The following FAM53A variants were observed in gnomAD, a reference collection of about 807,000 sequenced individuals.
FAM53A encodes family with sequence similarity 53 member A, also known as protein FAM53A.
FAM53A carries 28 observed loss-of-function variants against 26.6 expected under a neutral mutation model. The ratio of observed to expected loss-of-function variants is 1.05; its 90% CI spans 0.78 to 1.45. The LOEUF (loss-of-function observed/expected upper bound fraction) is 1.45, where lower values mean the gene tolerates loss of function less well. FAM53A is among the 40% of genes most tolerant of loss of function. The pLI is 0.00. For synonymous variants in FAM53A, 290 were observed against 253.1 expected (o/e 1.15, Z -1.38); for missense variants, 650 against 575.8 (o/e 1.13, Z -1.32).
chr4:1,685,026 G>C (rs1047876690), upstream of FAM53A, among the ~76,000 whole-genome samples: 1 of 152,120 alleles, frequency 6.6e-6, no homozygotes, highest in Non-Finnish European at 1.5e-5. Context: ...GGGGTCTCCA[G>C]CAAATTCCCA....
intron 2 of FAM53A, among the ~76,000 whole-genome samples, chr4:1,668,049 T>G (rs550322574): frequency 6.6e-6 from 1 of 152,126 alleles, no homozygotes; most frequent in Non-Finnish European, 1.5e-5. Flanking sequence ...TGCTGCTTGA[T>G]TGGATGGTAA....
At chr4:1,613,457 C>T (rs915940324), downstream of FAM53A, among the ~76,000 whole-genome samples, 2 of 152,218 alleles carry the variant, frequency 1.3e-5, no homozygotes, top group Non-Finnish European at 2.9e-5. Flanking sequence ...GCGTCTTAGT[C>T]CTACTGTTGG....
At chr4:1,602,242 G>A in the FAM53A span, among the ~76,000 whole-genome samples, 1 of 152,236 alleles carries the variant, frequency 6.6e-6, no homozygotes, top group South Asian at 2.1e-4. Context: ...AAGAAGCCCT[G>A]CCGGGGGAGC....
chr4:1,636,557 C>A (rs1715848007), downstream of FAM53A, among the ~76,000 whole-genome samples: 1 of 152,242 alleles, frequency 6.6e-6, no homozygotes, highest in South Asian at 2.1e-4. Flanking sequence ...TCCACCTGAG[C>A]CCACGGCCTC....
chr4:1,613,340 C>A (rs1714697226), downstream of FAM53A, among the ~76,000 whole-genome samples: 1 of 152,208 alleles, frequency 6.6e-6, no homozygotes, highest in Admixed American at 6.5e-5. Context: ...CTCACCCTGT[C>A]AAAGAGCAGA....
At chr4:1,610,290 G>A in the FAM53A span, among the ~76,000 whole-genome samples, 1 of 151,816 alleles carries the variant, frequency 6.6e-6, no homozygotes, top group Non-Finnish European at 1.5e-5. Context: ...GACTCCAGCT[G>A]CCTCCCCTGG....
chr4:1,605,045 C>T, the FAM53A span, among the ~76,000 whole-genome samples: 3 of 152,306 alleles, frequency 2.0e-5, no homozygotes, highest in Admixed American at 6.5e-5. This position sits in a 1 kb window ranked among gnomAD's most constrained non-coding sequence, Gnocchi z 5.7. Context: ...ACCCTGCTCC[C>T]GCCACCTGCA....
At chr4:1,592,460 G>A in the FAM53A span, among the ~76,000 whole-genome samples, 3 of 152,226 alleles carry the variant, frequency 2.0e-5, no homozygotes, top group Non-Finnish European at 4.4e-5. Flanking sequence ...AGGCCGAGGG[G>A]GCCAGGGGGC....
chr4:1,575,291 C>T, the FAM53A span, among the ~76,000 whole-genome samples: 27 of 152,230 alleles, frequency 1.8e-4, no homozygotes, highest in Non-Finnish European at 3.1e-4. Context: ...CTCCACCACA[C>T]CCCAAGTCTC....
intron 2 of FAM53A, among the ~76,000 whole-genome samples, chr4:1,662,556 AG>A (rs1331530860): frequency 7.0e-6 from 1 of 142,560 alleles, no homozygotes; most frequent in Non-Finnish European, 1.5e-5. Flanking sequence ...AGGCTGAGGG[AG>A]GAGGATCACT....
At chr4:1,589,986 T>C in the FAM53A span, among the ~76,000 whole-genome samples, 1 of 152,154 alleles carries the variant, frequency 6.6e-6, no homozygotes, top group Non-Finnish European at 1.5e-5. Flanking sequence ...GCTTTGCTCA[T>C]TTATTTTTGA....
chr4:1,630,227 C>T lies in FAM53A; in HGVS notation c.432-12116G>A, dbSNP rs528380666. ...GGCAGGTGCACAAGACAGCCTGGCC[C>T]TGGTGCCACCTGCTGCAGGGGCCTG... On this transcript the variant is annotated intron_variant, in intron 1 of 1. Transcript: ENST00000489029. The surrounding 1 kb of genome is among the most constrained non-coding windows in gnomAD (Gnocchi z 4.3). Among the ~76,000 whole-genome samples the T allele has an allele frequency of 2.0e-4, 31 of 152,344 alleles. No homozygotes were observed. The East Asian group carries it at 5.8e-3, about 28-fold the overall frequency.
At chr4:1,646,846 G>T (rs936820904) in intron 4 of FAM53A, among the ~76,000 whole-genome samples, 2 of 152,134 alleles carry the variant, frequency 1.3e-5, no homozygotes, top group African/African-American at 4.8e-5. Context: ...AGCAGCCTCG[G>T]TCTCTCCAGA....
At chr4:1,615,563 C>T (rs1338230098), downstream of FAM53A, among the ~76,000 whole-genome samples, 1 of 146,168 alleles carries the variant, frequency 6.8e-6, no homozygotes, top group Non-Finnish European at 1.5e-5. Flanking sequence ...AGACAGGATG[C>T]GGCCACGCCC....
chr4:1,621,348 C>G (rs1715027480), intron 1 of FAM53A, among the ~76,000 whole-genome samples: 2 of 152,136 alleles, frequency 1.3e-5, no homozygotes, highest in African/African-American at 4.8e-5. Flanking sequence ...TCGTGATCCA[C>G]CCGCCTCGGC....
chr4:1,629,960 A>G (rs1363806990), intron 1 of FAM53A, among the ~76,000 whole-genome samples: 1 of 152,156 alleles, frequency 6.6e-6, no homozygotes. Context: ...GCCTGAGCAG[A>G]TGCCGGATGG....
At chr4:1,669,509 C>T (rs1343996507) in intron 1 of FAM53A, among the ~76,000 whole-genome samples, 1 of 152,178 alleles carries the variant, frequency 6.6e-6, no homozygotes, top group Non-Finnish European at 1.5e-5. Flanking sequence ...GCAGAGGCTG[C>T]GGGGCGGCCC....
At chr4:1,670,491 C>T (rs116185051) in intron 1 of FAM53A, among the ~76,000 whole-genome samples, 2 of 152,256 alleles carry the variant, frequency 1.3e-5, no homozygotes, top group African/African-American at 4.8e-5. Context: ...TGCACAGGTC[C>T]TGACGGGTGC....
chr4:1,644,076 A>C (rs1577106019), intron 4 of FAM53A: 3 of 1,395,274 alleles, frequency 2.2e-6, no homozygotes, highest in Non-Finnish European at 2.9e-6. Flanking sequence ...GTCTGGTGTC[A>C]CCCGTGACCT....
Sources: gnomAD v4.1 joint callset for allele counts (sites outside exome capture counted in the v4.1 genomes callset) on GRCh38, gnomAD v4.1.1 for gene constraint, Gnocchi (gnomAD v3.1) non-coding constraint, MANE v1.5 for transcripts, NCBI Gene and HGNC (gene_info 2026-07-23, HGNC 2026-07-21) for gene names.